The following CSMD1 variants were observed in gnomAD, a reference collection of about 807,000 sequenced individuals.
The protein encoded by CSMD1 is CUB and Sushi multiple domains 1.
In CSMD1, 213 loss-of-function variants were observed where a neutral mutation model predicts 417.5. The ratio of observed to expected loss-of-function variants is 0.51; its 90% confidence interval spans 0.46 to 0.57. The LOEUF (loss-of-function observed/expected upper bound fraction) is 0.57. CSMD1 is among the 20% of genes least tolerant of loss of function. The pLI is 0.00. For missense variants in CSMD1, 6,923 were observed against 4,529.7 expected, an observed-to-expected ratio of 1.53 and a Z score of -15.17; for synonymous variants, 2,862 against 1,736.8, an observed-to-expected ratio of 1.65 and a Z score of -16.11.
chr8:3,384,687 ATATT>A lies in CSMD1; in HGVS notation c.2782+2803_2782+2806del, dbSNP rs960864714. On this transcript the variant is annotated intron_variant, in intron 18 of 69. Transcript: ENST00000635120. ...ATAGATGCTATTTATATATAAATATATATTTATATAAATTATATATAAATATATT... is the reference window on the plus strand; with the variant it reads ...ATAGATGCTATTTATATATAAATATATATATAAATTATATATAAATATATT... 1.0e-4 allele frequency among the ~76,000 whole-genome samples: 13 copies of A among 125,632 alleles called. No individual in the cohort carries two copies. The East Asian group carries it at 1.7e-3, about 17-fold the overall frequency. 82.4% of individuals were successfully genotyped at this position (125,632 alleles called of 152,430 possible).
chr8:4,910,344 A>G (rs1318361733), intron 1 of CSMD1, among the ~76,000 whole-genome samples: 1 of 152,200 alleles, frequency 6.6e-6, no homozygotes, highest in Non-Finnish European at 1.5e-5. Context: ...GATGTATCTT[A>G]GTCAATTTTG....
intron 17 of CSMD1, among the ~76,000 whole-genome samples, chr8:3,394,154 G>A (rs1426455860): frequency 7.0e-6 from 1 of 143,788 alleles, no homozygotes; most frequent in Non-Finnish European, 1.5e-5. Context: ...TTAAACACAG[G>A]ATAAATGAAA....
chr8:3,111,609 A>G lies in CSMD1; in HGVS notation c.6431-1274T>C, dbSNP rs189041297. On this transcript the variant is annotated intron_variant, in intron 42 of 69. Transcript: ENST00000635120. Reference sequence around the variant, plus strand: ...CACTTTGGGAGACTGAGGTGGGTGGATCACCTGAGGTCAGGAGTTTGAGAC... The same window carrying G: ...CACTTTGGGAGACTGAGGTGGGTGGGTCACCTGAGGTCAGGAGTTTGAGAC... Among the ~76,000 whole-genome samples, 98 of 152,232 alleles carry G rather than the reference A, an allele frequency of 6.4e-4. 1 individual carries two copies. In the East Asian group the frequency reaches 0.019, roughly 29 times the overall value.
At chr8:4,601,886 C>A (rs1762729055) in intron 2 of CSMD1, among the ~76,000 whole-genome samples, 1 of 152,122 alleles carries the variant, frequency 6.6e-6, no homozygotes, top group Non-Finnish European at 1.5e-5. Flanking sequence ...CAGGGCACAG[C>A]CTGGAACCGT....
Position 4,046,624 on chromosome 8 carries a change from C to G in CSMD1, c.416-14525G>C, listed in dbSNP as rs570470441. Among the ~76,000 whole-genome samples, 3 of 120,532 alleles carry G rather than the reference C, an allele frequency of 2.5e-5. No homozygotes were observed. The East Asian group carries it at 1.4e-3, about 56-fold the overall frequency. The allele number at this position is 120,532 out of a possible 152,430, so 79.1% of individuals were successfully genotyped here. ...TGTTGATTGTTGAGTCTTGATAATT[C>G]CATCATAACAAACAACAAGTGTGCA... is the stretch of plus-strand genomic sequence containing the variant. On this transcript the variant is annotated intron_variant, in intron 3 of 69. Transcript: ENST00000635120.
At chr8:4,176,325 C>T (rs139081682) in intron 3 of CSMD1, among the ~76,000 whole-genome samples, 59 of 152,222 alleles carry the variant, frequency 3.9e-4, no homozygotes, top group African/African-American at 1.3e-3. Flanking sequence ...TGTTTGCTGA[C>T]GTCAACCTTT....
intron 10 of CSMD1, among the ~76,000 whole-genome samples, chr8:3,523,684 G>A (rs545016501): frequency 1.0e-3 from 148 of 141,084 alleles, no homozygotes; most frequent in African/African-American, 3.5e-3. Flanking sequence ...CGTACACCCA[G>A]AGAGACATAT....
At chr8:4,136,682 G>C (rs146417881) in intron 3 of CSMD1, among the ~76,000 whole-genome samples, 3 of 152,156 alleles carry the variant, frequency 2.0e-5, no homozygotes, top group Admixed American at 6.5e-5. Flanking sequence ...CAAGTGTGCT[G>C]TGAGTCTTCA....
chr8:3,253,435 T>A (rs976441280), intron 26 of CSMD1, among the ~76,000 whole-genome samples: 1 of 152,086 alleles, frequency 6.6e-6, no homozygotes, highest in Non-Finnish European at 1.5e-5. Flanking sequence ...TGCTGAGGAG[T>A]GCTTTACTTC....
Position 3,241,092 on chromosome 8 carries a change from C to A in CSMD1, c.4154-10861G>T, listed in dbSNP as rs566509457. Among the ~76,000 whole-genome samples the A allele has an allele frequency of 4.0e-3, 595 of 150,548 alleles. 4 individuals are homozygous for A. Among genetic ancestry groups the A allele is most frequent in the African/African-American group, 0.012 (492 of 40,992 alleles). The stretch of plus-strand genomic sequence containing the variant: ...GAGGGGATACAAGAGGAGGACGCAA[C>A]GGAGGCTTTGGATTGGGAAGAAGGG... On this transcript the variant is annotated intron_variant, in intron 26 of 69. Coordinates refer to ENST00000635120, the MANE Select transcript of CSMD1 (RefSeq NM_033225.6).
At chr8:4,809,047 A>G (rs1798748638) in intron 1 of CSMD1, among the ~76,000 whole-genome samples, 1 of 152,240 alleles carries the variant, frequency 6.6e-6, no homozygotes, top group Non-Finnish European at 1.5e-5. Context: ...CCAGTCACAC[A>G]GATGAGTACA....
intron 5 of CSMD1, among the ~76,000 whole-genome samples, chr8:3,945,696 C>T (rs765741323): frequency 4.6e-5 from 7 of 152,054 alleles, no homozygotes; most frequent in Non-Finnish European, 7.4e-5. Flanking sequence ...GATAGCTCAT[C>T]GACATTTAAA....
At chr8:4,396,748 G>A (rs116327293) in intron 3 of CSMD1, among the ~76,000 whole-genome samples, 1 of 152,070 alleles carries the variant, frequency 6.6e-6, no homozygotes, top group Non-Finnish European at 1.5e-5. Context: ...TGGAAATGGA[G>A]ACAATTACTC....
intron 3 of CSMD1, among the ~76,000 whole-genome samples, chr8:4,116,457 A>G (rs942939888): frequency 1.5e-5 from 2 of 133,952 alleles, no homozygotes; most frequent in Admixed American, 1.5e-4. Context: ...AGGTGCCTGA[A>G]TGGAACAAAC....
intron 1 of CSMD1, among the ~76,000 whole-genome samples, chr8:4,820,862 G>C (rs944649836): frequency 6.6e-6 from 1 of 152,148 alleles, no homozygotes; most frequent in African/African-American, 2.4e-5. Flanking sequence ...AATAATTGTT[G>C]TTACTACTTT....
intron 3 of CSMD1, among the ~76,000 whole-genome samples, chr8:4,231,062 G>C (rs1215160796): frequency 6.6e-6 from 1 of 152,170 alleles, no homozygotes; most frequent in African/African-American, 2.4e-5. Flanking sequence ...ATTGGGGAAA[G>C]CGTTTTTACA....
chr8:2,990,502 C>A (rs539977247), intron 54 of CSMD1, among the ~76,000 whole-genome samples: 1 of 152,130 alleles, frequency 6.6e-6, no homozygotes, highest in Admixed American at 6.5e-5. Flanking sequence ...CCTCTCTCTA[C>A]GAACCCATTA....
In CSMD1 at chr8:4,323,010, A is replaced by G. The variant is rs1327936689; in HGVS notation, c.415+96943T>C. ...AAAAAACTACACTAAAATATAAAAT[A>G]AAATAAAATGCAGCAGGAATCTGAG... On this transcript the variant is annotated intron_variant, in intron 3 of 69. Coordinates refer to ENST00000635120, the MANE Select transcript of CSMD1 (RefSeq NM_033225.6). Among the ~76,000 whole-genome samples the G allele has an allele frequency of 2.6e-5, 4 of 152,252 alleles. No individual in the cohort carries two copies. The South Asian group carries it at 6.2e-4, about 24-fold the overall frequency.
chr8:4,814,592 AAAT>A (rs1563472907), intron 1 of CSMD1, among the ~76,000 whole-genome samples: 1 of 152,114 alleles, frequency 6.6e-6, no homozygotes. Flanking sequence ...TTAATTAGGC[AAAT>A]AATAAAGCTA....
Sources: allele counts gnomAD v4.1 joint callset (sites outside exome capture counted in the v4.1 genomes callset), GRCh38; gene constraint gnomAD v4.1.1; transcripts MANE v1.5; gene names NCBI Gene and HGNC (gene_info 2026-07-23, HGNC 2026-07-21).